CNTNAP2: variants seen among roughly 807,000 people sequenced by gnomAD.
The protein encoded by CNTNAP2 is contactin associated protein 2, also known as contactin-associated protein-like 2.
A neutral mutation model predicts 155.2 loss-of-function variants in CNTNAP2; 98 were observed. The ratio of observed to expected loss-of-function variants is 0.63; its 90% CI spans 0.54 to 0.75. CNTNAP2 has a LOEUF of 0.75. Ranked by LOEUF, CNTNAP2 falls within the 30% of genes least tolerant of loss-of-function variation. The pLI, the probability that CNTNAP2 is intolerant of heterozygous loss-of-function variation, is 0.00. For missense variants in CNTNAP2, 1,727 were observed against 1,688.1 expected (o/e 1.02, Z -0.40); for synonymous variants, 651 against 631.2 (o/e 1.03, Z -0.47).
At chr7:147,700,525 G>A (rs117728536) in intron 13 of CNTNAP2, among the ~76,000 whole-genome samples, 1 of 152,102 alleles carries the variant, frequency 6.6e-6, no homozygotes, top group Non-Finnish European at 1.5e-5. Context: ...TTCTCAGAAG[G>A]TAAGAAGTTT....
intron 21 of CNTNAP2, among the ~76,000 whole-genome samples, chr7:148,333,809 G>A (rs1798071840): frequency 6.6e-6 from 1 of 151,326 alleles, no homozygotes; most frequent in Admixed American, 6.6e-5. Context: ...AAAAATGTAT[G>A]TTTATCCGAC....
In CNTNAP2 at chr7:146,704,668, C is replaced by T. The variant is rs1800933182; in HGVS notation, c.98-69603C>T. ...GCCTAATGTGAGGTCAATTGGTTAA[C>T]CAAATAGTTTAGGAAACACTAGCCT... On this transcript the variant is annotated intron_variant, in intron 1 of 23. Transcript: ENST00000361727. Among the ~76,000 whole-genome samples the T allele has an allele frequency of 2.0e-5, 3 of 152,216 alleles. No individual in the cohort carries two copies. The South Asian group carries it at 6.2e-4, about 32-fold the overall frequency.
At chr7:147,512,111 C>T (rs1239402645) in intron 11 of CNTNAP2, among the ~76,000 whole-genome samples, 1 of 152,128 alleles carries the variant, frequency 6.6e-6, no homozygotes, top group Non-Finnish European at 1.5e-5. Flanking sequence ...AAAACATATA[C>T]AGCATGGGAT....
chr7:148,369,340 AG>A (rs1798846142), intron 21 of CNTNAP2, among the ~76,000 whole-genome samples: 1 of 151,590 alleles, frequency 6.6e-6, no homozygotes, highest in South Asian at 2.1e-4. Context: ...CTGGAATTAC[AG>A]GGGTGTGCCA....
At chr7:148,022,652 T>C (rs1211346000) in intron 15 of CNTNAP2, among the ~76,000 whole-genome samples, 2 of 151,978 alleles carry the variant, frequency 1.3e-5, no homozygotes, top group African/African-American at 4.8e-5. Flanking sequence ...TGTTTTTGTT[T>C]TTGTTTTTCC....
At chr7:147,658,598 C>T (rs1002521685) in intron 13 of CNTNAP2, among the ~76,000 whole-genome samples, 1 of 152,120 alleles carries the variant, frequency 6.6e-6, no homozygotes, top group East Asian at 1.9e-4. Flanking sequence ...GCCAAATCTC[C>T]CCCTGCAGGG....
intron 1 of CNTNAP2, among the ~76,000 whole-genome samples, chr7:146,432,462 C>A (rs1453915550): frequency 1.3e-5 from 2 of 151,900 alleles, no homozygotes; most frequent in Non-Finnish European, 2.9e-5. Flanking sequence ...AATATAAATT[C>A]TCATTATGAA....
At chr7:148,386,382 G>T (rs937562558) in intron 22 of CNTNAP2, among the ~76,000 whole-genome samples, 7 of 152,058 alleles carry the variant, frequency 4.6e-5, no homozygotes, top group Admixed American at 1.3e-4. Context: ...ACAAAAATTA[G>T]CTGGGCGTGG....
chr7:148,316,168 G>A (rs117662767), intron 21 of CNTNAP2, among the ~76,000 whole-genome samples: 3,090 of 152,158 alleles, frequency 0.02, 32 homozygotes, highest in Middle Eastern at 0.048. Context: ...TCTACATAGA[G>A]CAACTGGGAT....
intron 17 of CNTNAP2, among the ~76,000 whole-genome samples, chr7:148,168,970 G>A (rs1458084711): frequency 1.3e-5 from 2 of 152,174 alleles, no homozygotes; most frequent in Non-Finnish European, 2.9e-5. Flanking sequence ...ACACAAATAA[G>A]ACAGGTGGAT....
At chr7:147,473,093 T>C (rs1798255511) in intron 10 of CNTNAP2, among the ~76,000 whole-genome samples, 1 of 152,152 alleles carries the variant, frequency 6.6e-6, no homozygotes, top group Non-Finnish European at 1.5e-5. Flanking sequence ...GTTCATAGAC[T>C]GAGAAAACGG....
chr7:147,560,204 T>C (rs1458104368), intron 11 of CNTNAP2, among the ~76,000 whole-genome samples: 6 of 111,608 alleles, frequency 5.4e-5, no homozygotes, highest in African/African-American at 1.8e-4. Context: ...GAATCAGTCC[T>C]ATTTACTCTA....
chr7:147,378,083 C>A (rs933379040), intron 9 of CNTNAP2: 2 of 462,776 alleles, frequency 4.3e-6, no homozygotes, highest in African/African-American at 2.0e-5. Flanking sequence ...ATGGCAAAAA[C>A]CACTATTACT....
At chr7:147,242,588 A>C (rs1803961818) in intron 8 of CNTNAP2, among the ~76,000 whole-genome samples, 2 of 152,132 alleles carry the variant, frequency 1.3e-5, no homozygotes, top group Non-Finnish European at 2.9e-5. Flanking sequence ...CTTTTTAAAA[A>C]CTGGTACCCC....
chr7:146,848,443 C>A (rs1023701831), intron 3 of CNTNAP2, among the ~76,000 whole-genome samples: 1 of 152,152 alleles, frequency 6.6e-6, no homozygotes, highest in Non-Finnish European at 1.5e-5. Flanking sequence ...TAATTGCTGT[C>A]TTCTAGGGGT....
At chr7:146,778,244 A>G (rs935948308) in intron 2 of CNTNAP2, among the ~76,000 whole-genome samples, 9 of 152,224 alleles carry the variant, frequency 5.9e-5, no homozygotes, top group Admixed American at 1.3e-4. Context: ...GAGAAAGTTT[A>G]TAAATACATA....
intron 2 of CNTNAP2, among the ~76,000 whole-genome samples, chr7:146,831,746 G>A (rs1164950459): frequency 6.6e-6 from 1 of 150,568 alleles, no homozygotes; most frequent in Non-Finnish European, 1.5e-5. Flanking sequence ...TGTCTGAGGA[G>A]GTATTTGTCT....
rs1799973793 is a variant in CNTNAP2 at position 148,415,798 on chromosome 7, T to TAATATTTCTTTATAGCTGAGTTTTCCC, written c.*183_*209dup. The TAATATTTCTTTATAGCTGAGTTTTCCC allele has an allele frequency of 3.0e-6, 2 of 674,280 alleles. No individual in the cohort carries two copies. The highest frequency in any genetic ancestry group is 5.5e-5 in the East Asian group (2 of 36,544). 41.8% of individuals were successfully genotyped at this position (674,280 alleles called of 1,614,324 possible). A position where few individuals can be genotyped will look rare whatever the true frequency, so the allele number is the denominator to read the frequency against. ...CTGATCACAAAAAAAAAAACCTTTT[T>TAATATTTCTTTATAGCTGAGTTTTCCC]AATATTTCTTTATAGCTGAGTTTTC... On this transcript the variant is annotated 3_prime_UTR_variant, in exon 24 of 24. Transcript: ENST00000361727.
intron 13 of CNTNAP2, among the ~76,000 whole-genome samples, chr7:147,798,421 G>C (rs1260328263): frequency 6.6e-6 from 1 of 152,110 alleles, no homozygotes; most frequent in African/African-American, 2.4e-5. Context: ...CAAATAAAAA[G>C]CTGTTCAGAG....
Sources: allele counts gnomAD v4.1 joint callset (sites outside exome capture counted in the v4.1 genomes callset), GRCh38; gene constraint gnomAD v4.1.1; transcripts MANE v1.5; gene names NCBI Gene and HGNC (gene_info 2026-07-23, HGNC 2026-07-21).